ANKRD45: variants seen among roughly 807,000 people sequenced by gnomAD.
The protein encoded by ANKRD45 is ankyrin repeat domain 45.
In ANKRD45, 21 loss-of-function variants were observed where a neutral mutation model predicts 28.1. The ratio of observed to expected loss-of-function variants is 0.75; its 90% confidence interval spans 0.53 to 1.08. The LOEUF (loss-of-function observed/expected upper bound fraction) is 1.08, where lower values mean the gene tolerates loss of function less well. ANKRD45 is among the 50% of genes least tolerant of loss of function. The pLI is 0.00. For synonymous variants in ANKRD45, 86 were observed against 103.9 expected, an observed-to-expected ratio of 0.83 and a Z score of 1.05; for missense variants, 261 against 308.7, an observed-to-expected ratio of 0.85 and a Z score of 1.16.
At chr1:173,688,411 C>CCTCTCTCTCTGCCTCTTCCT in the ANKRD45 span, among the ~76,000 whole-genome samples, 5 of 103,954 alleles carry the variant, frequency 4.8e-5, no homozygotes, top group Non-Finnish European at 7.4e-5. Context: ...TCTGCCTCTT[C>CCTCTCTCTCTGCCTCTTCCT]CTCTCTCTCT....
the ANKRD45 span, among the ~76,000 whole-genome samples, chr1:173,698,831 G>A: frequency 6.7e-6 from 1 of 149,910 alleles, no homozygotes; most frequent in South Asian, 2.1e-4. Context: ...GAGCAGAACT[G>A]AAGAAGATAG....
chr1:173,679,036 A>G, the ANKRD45 span, among the ~76,000 whole-genome samples: 1 of 152,194 alleles, frequency 6.6e-6, no homozygotes, highest in Non-Finnish European at 1.5e-5. Flanking sequence ...CCACTGCTCA[A>G]CAAAATAAGA....
chr1:173,654,683 G>T (rs896611554), intron 2 of ANKRD45, among the ~76,000 whole-genome samples: 1 of 152,300 alleles, frequency 6.6e-6, no homozygotes, highest in Non-Finnish European at 1.5e-5. Context: ...ATAATATCCT[G>T]AAGAGTGTTT....
chr1:173,664,137 CAAG>C (rs1386230071), intron 1 of ANKRD45, among the ~76,000 whole-genome samples: 1 of 152,136 alleles, frequency 6.6e-6, no homozygotes, highest in Non-Finnish European at 1.5e-5. Context: ...AGGAAATCAA[CAAG>C]AAGGACTCTA....
At chr1:173,690,062 G>GCCCCCCCC in the ANKRD45 span, among the ~76,000 whole-genome samples, 1 of 52,798 alleles carries the variant, frequency 1.9e-5, no homozygotes, top group Non-Finnish European at 4.1e-5. Context: ...CCTGCCCCCC[G>GCCCCCCCC]CCCCCCCCCC....
the ANKRD45 span, among the ~76,000 whole-genome samples, chr1:173,689,310 T>A: frequency 6.6e-6 from 1 of 152,186 alleles, no homozygotes; most frequent in African/African-American, 2.4e-5. Context: ...CTGGGGTCAT[T>A]TAAAAGAGGG....
chr1:173,641,485 G>A (rs1668696996), intron 3 of ANKRD45, among the ~76,000 whole-genome samples: 1 of 152,184 alleles, frequency 6.6e-6, no homozygotes. Context: ...TGCCTCTCAT[G>A]GCAAGGGGAG....
intron 5 of ANKRD45, among the ~76,000 whole-genome samples, chr1:173,619,161 C>T (rs921994045): frequency 1.3e-5 from 2 of 152,200 alleles, no homozygotes; most frequent in Admixed American, 1.3e-4. Context: ...AAGGAAAACC[C>T]ATTACCAGCC....
intron 2 of ANKRD45, among the ~76,000 whole-genome samples, chr1:173,653,076 G>T (rs547896532): frequency 1.3e-5 from 2 of 152,132 alleles, no homozygotes; most frequent in Non-Finnish European, 2.9e-5. Context: ...TTTTTGAAGG[G>T]TTTTTTGTGT....
intron 3 of ANKRD45, among the ~76,000 whole-genome samples, chr1:173,646,011 C>T (rs1211080662): frequency 6.6e-6 from 1 of 152,206 alleles, no homozygotes; most frequent in East Asian, 1.9e-4. Context: ...CCAATTGTAT[C>T]TACAGCAATA....
At chr1:173,712,321 A>C in the ANKRD45 span, among the ~76,000 whole-genome samples, 1 of 152,250 alleles carries the variant, frequency 6.6e-6, no homozygotes, top group Non-Finnish European at 1.5e-5. Flanking sequence ...TGTAGCTGAA[A>C]GCACAGACTC....
chr1:173,617,609 A>G (rs1667519379), intron 5 of ANKRD45, among the ~76,000 whole-genome samples: 1 of 152,228 alleles, frequency 6.6e-6, no homozygotes, highest in Admixed American at 6.5e-5. Flanking sequence ...AGCCAGGGTT[A>G]TACAGACATA....
In ANKRD45 at chr1:173,613,404, C is replaced by T. The variant is rs373255742; in HGVS notation, c.731-3189G>A. Among the ~76,000 whole-genome samples the T allele has an allele frequency of 1.4e-3, 217 of 151,926 alleles. 4 individuals are homozygous for T. In the East Asian group the frequency reaches 0.032, roughly 22 times the overall value. On this transcript the variant is annotated intron_variant, in intron 5 of 5. Coordinates refer to ENST00000333279, the MANE Select transcript of ANKRD45 (RefSeq NM_198493.3). ...GAGCCCCTCCGCCTGGCAGCTGCCC[C>T]GTCTGGGAAGTGAGGAGCATCTCCG...
intron 3 of ANKRD45, 83 bp from the exon 4 acceptor site, chr1:173,627,242 C>T: frequency 1.2e-6 from 1 of 824,964 alleles, no homozygotes; most frequent in Non-Finnish European, 2.0e-6. Context: ...CCTCCACTGT[C>T]CACCCCACCC....
the ANKRD45 span, among the ~76,000 whole-genome samples, chr1:173,674,888 T>G: frequency 2.4e-4 from 36 of 152,318 alleles, no homozygotes; most frequent in Admixed American, 2.1e-3. Flanking sequence ...AGAAAGCATA[T>G]TAAAAGAAAT....
At chr1:173,689,697 C>A in the ANKRD45 span, among the ~76,000 whole-genome samples, 1 of 152,048 alleles carries the variant, frequency 6.6e-6, no homozygotes, top group Non-Finnish European at 1.5e-5. Context: ...AGAAAGATTT[C>A]GAGTTCAGGG....
chr1:173,667,288 A>G (rs541420355), intron 1 of ANKRD45, among the ~76,000 whole-genome samples: 1 of 152,240 alleles, frequency 6.6e-6, no homozygotes, highest in Non-Finnish European at 1.5e-5. Context: ...CCATTATGTT[A>G]CAATATCAAG....
chr1:173,627,478 AGT>A (rs375309877), intron 3 of ANKRD45, among the ~76,000 whole-genome samples: 209 of 152,332 alleles, frequency 1.4e-3, no homozygotes, highest in African/African-American at 4.8e-3. Context: ...GGGAGAGCAC[AGT>A]GACTGTGGGA....
intron 3 of ANKRD45, chr1:173,635,351 T>C: frequency 1.7e-6 from 1 of 583,384 alleles, no homozygotes; most frequent in Non-Finnish European, 3.0e-6. Context: ...TTTTGCTGAC[T>C]GGCAAGGTTA....
Sources: gnomAD v4.1 joint callset for allele counts (sites outside exome capture counted in the v4.1 genomes callset) on GRCh38, gnomAD v4.1.1 for gene constraint, MANE v1.5 for transcripts, NCBI Gene and HGNC (gene_info 2026-07-23, HGNC 2026-07-21) for gene names.